TXNDC15: variants seen among roughly 807,000 people sequenced by gnomAD.
The protein encoded by TXNDC15 is thioredoxin domain-containing protein 15.
A neutral mutation model predicts 35.0 loss-of-function variants in TXNDC15; 24 were observed. That is an observed-to-expected ratio of 0.68 (90% confidence interval 0.50 to 0.96). The LOEUF (loss-of-function observed/expected upper bound fraction) is 0.96, where lower values mean the gene tolerates loss of function less well. Among genes scored for constraint, TXNDC15 ranks in the 40% least tolerant of loss-of-function variants. The probability of loss-of-function intolerance (pLI) is 0.00; values close to 1 mark genes in which losing one functional copy is unlikely to be tolerated. For missense variants in TXNDC15, 385 were observed against 453.3 expected, an observed-to-expected ratio of 0.85 and a Z score of 1.37; for synonymous variants, 169 against 174.0, an observed-to-expected ratio of 0.97 and a Z score of 0.23.
At chr5:134,874,351 G>T, upstream of TXNDC15, 1 of 1,298,054 alleles carries the variant, frequency 7.7e-7, no homozygotes, top group South Asian at 1.5e-5. Flanking sequence ...GCGCTCCCAG[G>T]CTCTCCTCCC....
chr5:134,885,230 A>G (rs148294259), intron 1 of TXNDC15, among the ~76,000 whole-genome samples: 10 of 152,240 alleles, frequency 6.6e-5, no homozygotes, highest in Admixed American at 3.3e-4. Context: ...CCCCGTATAT[A>G]TATTCTTGAG....
intron 4 of TXNDC15, among the ~76,000 whole-genome samples, chr5:134,897,907 G>A (rs1750526917): frequency 6.6e-6 from 1 of 152,090 alleles, no homozygotes; most frequent in Non-Finnish European, 1.5e-5. Context: ...TACTCGGGAG[G>A]CTGAGGCATG....
intron 1 of TXNDC15, among the ~76,000 whole-genome samples, chr5:134,879,500 C>G (rs1750099350): frequency 6.6e-6 from 1 of 152,172 alleles, no homozygotes. Context: ...GGCTTCATTT[C>G]CTGCTTTGTC....
intron 2 of TXNDC15, 56 bp downstream of exon 2, chr5:134,888,238 A>G: frequency 6.9e-7 from 1 of 1,458,012 alleles, no homozygotes; most frequent in Admixed American, 2.1e-5. Flanking sequence ...TTTTATGATT[A>G]ATACCCTATC....
In TXNDC15 at chr5:134,888,147, G is replaced by A; in HGVS notation, c.556G>A (p.Glu186Lys). Reference protein sequence around the residue: ...NCEERNITGLENFTLKILNMS... With the variant: ...NCEERNITGLKNFTLKILNMS... ...TGAGGAGAGAAACATTACAGGATTAGAAAATTTCACTCTGAAAATTTTAAA... is the reference window on the plus strand; with the variant it reads ...TGAGGAGAGAAACATTACAGGATTAAAAAATTTCACTCTGAAAATTTTAAA... Residue 186 changes from glutamate to lysine, a missense_variant, in exon 2 of 5, where the codon GAA becomes AAA. Transcript: ENST00000358387. The A allele has an allele frequency of 3.1e-6, 5 of 1,605,774 alleles. No individual in the cohort carries two copies. Among genetic ancestry groups the A allele is most frequent in the Non-Finnish European group, 3.4e-6 (4 of 1,175,030 alleles).
rs187471349 is a variant in TXNDC15, at chr5:134,894,375, T to C, written c.755+720T>C. Among the ~76,000 whole-genome samples, 486 of 150,276 alleles carry C rather than the reference T, an allele frequency of 3.2e-3. 3 individuals are homozygous for C. The highest frequency in any genetic ancestry group is 0.011 in the African/African-American group (461 of 40,958). On this transcript the variant is annotated intron_variant, in intron 3 of 4. Transcript: ENST00000358387. ...GGCTGGTCATTTTTTTTTTCTTTTT[T>C]TTTTTTTTTTGAGGTGGAATCTTGC...
chr5:134,896,663 T>A (rs1487089152), intron 4 of TXNDC15, among the ~76,000 whole-genome samples: 1 of 150,850 alleles, frequency 6.6e-6, no homozygotes, highest in Non-Finnish European at 1.5e-5. Context: ...TTTTTTTTTT[T>A]TTTTGAGTCT....
chr5:134,895,333 G>A (rs1229731619), intron 3 of TXNDC15, among the ~76,000 whole-genome samples: 1 of 152,186 alleles, frequency 6.6e-6, no homozygotes, highest in Non-Finnish European at 1.5e-5. Context: ...GCCCAAGGGA[G>A]CAGACTGATT....
intron 1 of TXNDC15, among the ~76,000 whole-genome samples, chr5:134,884,062 A>G (rs1750222121): frequency 6.6e-6 from 1 of 151,232 alleles, no homozygotes; most frequent in South Asian, 2.1e-4. Context: ...CTACTAAAAA[A>G]TACAAAAATT....
chr5:134,899,905 T>C lies in TXNDC15; in HGVS notation c.*220T>C. 2.2e-6 allele frequency: 1 copy of C among 461,370 alleles called. No homozygotes were observed. The highest frequency in any genetic ancestry group is 3.8e-6 in the Non-Finnish European group (1 of 265,054). The allele number at this position is 461,370 out of a possible 1,614,324, so 28.6% of individuals were successfully genotyped here. On this transcript the variant is annotated 3_prime_UTR_variant, in exon 5 of 5. Transcript: ENST00000358387. ...CAAAAATATTCAATAGATGCACTAT[T>C]CTTGTTTTTACTGCATGAACGTAAT...
At chr5:134,881,456 T>C (rs1234740226) in intron 1 of TXNDC15, among the ~76,000 whole-genome samples, 2 of 88,732 alleles carry the variant, frequency 2.3e-5, no homozygotes, top group African/African-American at 9.1e-5. Context: ...TTAATCCATT[T>C]AACCCTGAGT....
At position 134,900,979 on chromosome 5, in the gene TXNDC15, G is replaced by C. The variant is rs545116451; in HGVS notation, c.*1294G>C. ...ATTTTTCTATTTTTAGTAGAGATGGGGTTTTGCCATGTTGGCCAGGCTGGT... is the reference window on the plus strand; with the variant it reads ...ATTTTTCTATTTTTAGTAGAGATGGCGTTTTGCCATGTTGGCCAGGCTGGT... On this transcript the variant is annotated 3_prime_UTR_variant, in exon 5 of 5. Coordinates refer to ENST00000358387, the MANE Select transcript of TXNDC15 (RefSeq NM_024715.4). The C allele has an allele frequency of 6.6e-6, 1 of 152,146 alleles. No homozygotes were observed. Among genetic ancestry groups the C allele is most frequent in the South Asian group, 2.1e-4 (1 of 4,816 alleles). The allele number at this position is 152,146 out of a possible 1,614,324, so 9.4% of individuals were successfully genotyped here.
At chr5:134,874,328 C>CG (rs1325307522), upstream of TXNDC15, 7 of 1,011,278 alleles carry the variant, frequency 6.9e-6, no homozygotes, top group Non-Finnish European at 8.2e-6. Context: ...GATGGCGGCG[C>CG]GGGGCCGCGC....
At chr5:134,898,519 A>G (rs1454650511) in intron 4 of TXNDC15, among the ~76,000 whole-genome samples, 1 of 152,242 alleles carries the variant, frequency 6.6e-6, no homozygotes, top group Non-Finnish European at 1.5e-5. Context: ...ATTAAATTGC[A>G]TATAATCATT....
intron 1 of TXNDC15, among the ~76,000 whole-genome samples, chr5:134,883,417 ACT>A (rs980100855): frequency 3.3e-5 from 5 of 151,532 alleles, no homozygotes; most frequent in Admixed American, 1.3e-4. Flanking sequence ...ACAGAGCAAG[ACT>A]CTGTCTCAAA....
intron 4 of TXNDC15, among the ~76,000 whole-genome samples, chr5:134,897,211 C>T (rs1750507593): frequency 6.6e-6 from 1 of 151,818 alleles, no homozygotes. Flanking sequence ...TGGGATTTTA[C>T]AGGTGTGAGC....
At chr5:134,885,555 G>T (rs530364406) in intron 1 of TXNDC15, among the ~76,000 whole-genome samples, 1 of 152,240 alleles carries the variant, frequency 6.6e-6, no homozygotes, top group East Asian at 1.9e-4. Flanking sequence ...TACTTGGGGG[G>T]GCCTCTGCAG....
rs1749984513 is a variant in TXNDC15 at position 134,874,375 on chromosome 5, G to T, written c.-53G>T. ...GGCTCTCCTCCCCCAGCCTTCCTCC[G>T]GCTGGCAGCACGACTCGCGTAGCCG... On this transcript the variant is annotated 5_prime_UTR_variant, in exon 1 of 5. Coordinates refer to ENST00000358387, the MANE Select transcript of TXNDC15 (RefSeq NM_024715.4). The T allele has an allele frequency of 6.7e-7, 1 of 1,490,706 alleles. No homozygotes were observed. The highest frequency in any genetic ancestry group is 9.0e-7 in the Non-Finnish European group (1 of 1,114,076). 92.3% of individuals were successfully genotyped at this position (1,490,706 alleles called of 1,614,324 possible).
Position 134,900,321 on chromosome 5 carries a change from C to CA in TXNDC15, c.*636_*637insA, listed in dbSNP as rs1750573395. The CA allele has an allele frequency of 6.6e-6, 1 of 152,260 alleles. No individual in the cohort carries two copies. Among genetic ancestry groups the CA allele is most frequent in the South Asian group, 2.1e-4 (1 of 4,834 alleles). 9.4% of individuals were successfully genotyped at this position (152,260 alleles called of 1,614,324 possible). On this transcript the variant is annotated 3_prime_UTR_variant, in exon 5 of 5. Transcript: ENST00000358387. ...AAGCTCAATTATTATCAGTTCTATGCTAACGTATACATTTTAATCATAGTT... is the reference window on the plus strand; with the variant it reads ...AAGCTCAATTATTATCAGTTCTATGCATAACGTATACATTTTAATCATAGTT...
Sources: gnomAD v4.1 joint callset for allele counts (sites outside exome capture counted in the v4.1 genomes callset) on GRCh38, gnomAD v4.1.1 for gene constraint, MANE v1.5 for transcripts, NCBI Gene and HGNC (gene_info 2026-07-23, HGNC 2026-07-21) for gene names.